Variants in TECRL observed in about 807,000 individuals in gnomAD.
TECRL encodes trans-2,3-enoyl-CoA reductase like, also known as trans-2,3-enoyl-CoA reductase-like.
In TECRL, 63 loss-of-function variants were observed where a neutral mutation model predicts 52.8. That is an observed-to-expected ratio of 1.19 (90% CI 0.97 to 1.47). TECRL has a LOEUF of 1.47. Among genes scored for constraint, TECRL ranks in the 40% most tolerant of loss-of-function variants. TECRL has a pLI of 0.00. For missense variants in TECRL, 482 were observed against 429.6 expected (o/e 1.12, Z -1.08); for synonymous variants, 164 against 141.9 (o/e 1.16, Z -1.10).
At chr4:64,306,969 G>A (rs1724375932) in intron 6 of TECRL, among the ~76,000 whole-genome samples, 1 of 152,302 alleles carries the variant, frequency 6.6e-6, no homozygotes, top group African/African-American at 2.4e-5. Flanking sequence ...ATTTGTTTCT[G>A]TGGAGAGCTC....
In TECRL at chr4:64,305,218, T is replaced by C; in HGVS notation, c.678A>G (p.Gly226=). The change falls in exon 7 of 12, where the codon GGA becomes GGG. Residue 226 remains glycine, a synonymous_variant. Transcript: ENST00000381210. ...NLIMSCAFYW[G]FTSWIAYYIN... ...TGTAGTAGGCAATCCAAGAAGTAAA[T>C]CCCCAGTAAAAGGCACAACTCTGCA... is the stretch of plus-strand genomic sequence containing the variant. The C allele has an allele frequency of 1.9e-6, 3 of 1,612,142 alleles. No individual in the cohort carries two copies. Among genetic ancestry groups the C allele is most frequent in the Non-Finnish European group, 2.5e-6 (3 of 1,179,024 alleles).
intron 9 of TECRL, among the ~76,000 whole-genome samples, chr4:64,283,209 G>T (rs984434669): frequency 6.6e-6 from 1 of 151,900 alleles, no homozygotes; most frequent in Non-Finnish European, 1.5e-5. Context: ...AGACTATATC[G>T]CTCTCAATTT....
intron 2 of TECRL, among the ~76,000 whole-genome samples, chr4:64,351,630 T>A (rs1246704982): frequency 6.6e-6 from 1 of 152,180 alleles, no homozygotes; most frequent in Non-Finnish European, 1.5e-5. Flanking sequence ...AATAAGGTGA[T>A]GTATACTATA....
At chr4:64,291,014 T>G (rs1239373558) in intron 8 of TECRL, among the ~76,000 whole-genome samples, 1 of 152,126 alleles carries the variant, frequency 6.6e-6, no homozygotes, top group Non-Finnish European at 1.5e-5. Context: ...GTAATACTTT[T>G]TAAGTTGAAA....
At chr4:64,391,697 CAG>C (rs1184596528) in intron 1 of TECRL, among the ~76,000 whole-genome samples, 2 of 151,800 alleles carry the variant, frequency 1.3e-5, no homozygotes, top group Non-Finnish European at 2.9e-5. Flanking sequence ...AAGACATTAA[CAG>C]AGACTGGATA....
chr4:64,353,543 T>C (rs756622424), intron 2 of TECRL, among the ~76,000 whole-genome samples: 1 of 152,142 alleles, frequency 6.6e-6, no homozygotes, highest in Non-Finnish European at 1.5e-5. Context: ...GTGTTTATAA[T>C]GATACACAGG....
intron 5 of TECRL, 69 bp downstream of exon 5, chr4:64,314,579 T>A (rs1717333647): frequency 1.7e-6 from 2 of 1,181,878 alleles, no homozygotes; most frequent in Admixed American, 1.9e-5. Flanking sequence ...CATCCCCTCC[T>A]TAACGTGTAT....
intron 1 of TECRL, among the ~76,000 whole-genome samples, chr4:64,405,670 GT>G (rs949419633): frequency 2.0e-5 from 3 of 151,976 alleles, no homozygotes; most frequent in South Asian, 4.1e-4. Context: ...TCACTAGGAA[GT>G]TTTTTTTAAA....
intron 5 of TECRL, among the ~76,000 whole-genome samples, chr4:64,312,312 A>C (rs1717072699): frequency 6.6e-6 from 1 of 152,206 alleles, no homozygotes; most frequent in African/African-American, 2.4e-5. Flanking sequence ...AGATACCTAA[A>C]TCTAGGTACC....
intron 2 of TECRL, among the ~76,000 whole-genome samples, chr4:64,337,429 C>A (rs1719184522): frequency 6.6e-6 from 1 of 152,010 alleles, no homozygotes; most frequent in Non-Finnish European, 1.5e-5. Flanking sequence ...CTGGCCAGGG[C>A]AATTAGGCAG....
intron 5 of TECRL, among the ~76,000 whole-genome samples, chr4:64,314,010 C>A (rs191128889): frequency 0.028 from 4,060 of 144,960 alleles, 62 homozygotes; most frequent in Non-Finnish European, 0.037. Context: ...ATTAGCTGAG[C>A]ATTGTGGCAA....
At chr4:64,277,380 T>C (rs1392274610), downstream of TECRL, among the ~76,000 whole-genome samples, 3 of 151,914 alleles carry the variant, frequency 2.0e-5, no homozygotes, top group Non-Finnish European at 4.4e-5. Context: ...CTGCATTAGG[T>C]ATATATGATT....
intron 2 of TECRL, among the ~76,000 whole-genome samples, chr4:64,342,777 G>T (rs1270373185): frequency 6.6e-6 from 1 of 151,944 alleles, no homozygotes; most frequent in African/African-American, 2.4e-5. Context: ...AAATTATTAA[G>T]AACTCATTAA....
chr4:64,385,360 C>A (rs1723103716), intron 1 of TECRL, among the ~76,000 whole-genome samples: 1 of 152,166 alleles, frequency 6.6e-6, no homozygotes, highest in African/African-American at 2.4e-5. Flanking sequence ...TTTGGAGCAG[C>A]CTGTTGATAG....
At chr4:64,403,793 G>A (rs1413267525) in intron 1 of TECRL, among the ~76,000 whole-genome samples, 3 of 150,378 alleles carry the variant, frequency 2.0e-5, no homozygotes, top group Non-Finnish European at 4.4e-5. Context: ...GGCATGGGGA[G>A]GAGGAAAAGG....
At chr4:64,403,072 C>G (rs1021944691) in intron 1 of TECRL, among the ~76,000 whole-genome samples, 1 of 152,020 alleles carries the variant, frequency 6.6e-6, no homozygotes, top group Non-Finnish European at 1.5e-5. Context: ...AAACATTCCC[C>G]GTGTTCCTAT....
chr4:64,339,865 T>C (rs949481751), intron 2 of TECRL, among the ~76,000 whole-genome samples: 12 of 152,162 alleles, frequency 7.9e-5, no homozygotes, highest in African/African-American at 2.7e-4. Context: ...ATTTTCACGA[T>C]CATAAATTCC....
At chr4:64,348,308 A>C (rs987917631) in intron 2 of TECRL, among the ~76,000 whole-genome samples, 6 of 152,192 alleles carry the variant, frequency 3.9e-5, no homozygotes, top group Non-Finnish European at 5.9e-5. Context: ...AAACCATCAG[A>C]TCTTGCGAGA....
chr4:64,316,045 G>C (rs1347949193), intron 4 of TECRL, among the ~76,000 whole-genome samples: 2 of 151,964 alleles, frequency 1.3e-5, no homozygotes, highest in Admixed American at 1.3e-4. Context: ...TGTAATGATA[G>C]AATGCCAAAA....
Sources: gnomAD v4.1 joint callset for allele counts (sites outside exome capture counted in the v4.1 genomes callset) on GRCh38, gnomAD v4.1.1 for gene constraint, MANE v1.5 for transcripts, NCBI Gene and HGNC (gene_info 2026-07-23, HGNC 2026-07-21) for gene names.